ZNF578: variants seen among roughly 807,000 people sequenced by gnomAD.
The protein encoded by ZNF578 is Putative chemokine-related protein B42.
A neutral mutation model predicts 8.3 loss-of-function variants in ZNF578; 8 were observed. The ratio of observed to expected loss-of-function variants is 0.96; its 90% confidence interval spans 0.56 to 1.74. ZNF578 has a LOEUF of 1.74. Among genes scored for constraint, ZNF578 ranks in the 40% most tolerant of loss-of-function variants. The probability of loss-of-function intolerance (pLI) is 0.00; values close to 1 mark genes in which losing one functional copy is unlikely to be tolerated. For missense variants in ZNF578, 726 were observed against 707.5 expected (o/e 1.03, Z -0.30); for synonymous variants, 206 against 232.2 (o/e 0.89, Z 1.03).
At chr19:52,487,161 C>G (rs924642239) in intron 2 of ZNF578, among the ~76,000 whole-genome samples, 2 of 151,760 alleles carry the variant, frequency 1.3e-5, no homozygotes, top group African/African-American at 4.8e-5. Context: ...AGTGAGAACA[C>G]CATCTCTGCC....
rs145813659 is a variant in ZNF578, at chr19:52,489,456, C to T, written c.-121-1868C>T. On this transcript the variant is annotated intron_variant, in intron 2 of 5. Coordinates refer to ENST00000421239, the MANE Select transcript of ZNF578 (RefSeq NM_001099694.2). The stretch of plus-strand genomic sequence containing the variant: ...CTACAAAATTAGCTGGGTGTGGTGG[C>T]GCATGCCTGTAATCCCAGCTACTCT... 2.0e-3 allele frequency among the ~76,000 whole-genome samples: 303 copies of T among 151,724 alleles called. 1 individual carries two copies. Among genetic ancestry groups the T allele is most frequent in the African/African-American group, 6.4e-3 (264 of 41,434 alleles).
intron 2 of ZNF578, among the ~76,000 whole-genome samples, chr19:52,478,754 C>T (rs549788550): frequency 6.6e-6 from 1 of 151,970 alleles, no homozygotes; most frequent in East Asian, 1.9e-4. Flanking sequence ...TGCTCTGTCT[C>T]CCAGGCTGGA....
At position 52,468,116 on chromosome 19, in the gene ZNF578, G is replaced by T. The variant is rs141704830; in HGVS notation, c.-122+11158G>T. Among the ~76,000 whole-genome samples, 1,491 of 151,866 alleles carry T rather than the reference G, an allele frequency of 9.8e-3. 32 individuals are homozygous for T. The highest frequency in any genetic ancestry group is 0.034 in the African/African-American group (1,399 of 41,410). ...AATGTAGACTGCAACATATGGAAAA[G>T]GAAACTTTTTAAAATTGTGTACAAA... is the stretch of plus-strand genomic sequence containing the variant. On this transcript the variant is annotated intron_variant, in intron 2 of 5. Transcript: ENST00000421239.
Position 52,511,871 on chromosome 19 carries a change from C to A in ZNF578, c.1490C>A (p.Ser497Tyr). 2.5e-6 allele frequency: 4 copies of A among 1,613,322 alleles called. No individual in the cohort carries two copies. The highest frequency in any genetic ancestry group is 3.4e-6 in the Non-Finnish European group (4 of 1,179,824). Reference protein sequence around the residue: ...ECHKTFSHRSSLPCHRRLHSG... With the variant: ...ECHKTFSHRSYLPCHRRLHSG... Reference sequence around the variant, plus strand: ...CACAAGACCTTCAGTCACAGGTCATCTCTTCCATGCCATCGTAGACTTCAT... The same window carrying A: ...CACAAGACCTTCAGTCACAGGTCATATCTTCCATGCCATCGTAGACTTCAT... Residue 497 changes from serine to tyrosine, a missense_variant, in exon 6 of 6, where the codon TCT (serine) becomes TAT (tyrosine). Transcript: ENST00000421239.
intron 4 of ZNF578, 83 bp from the exon 5 acceptor site, chr19:52,504,572 C>A (rs1019155975): frequency 6.3e-7 from 1 of 1,596,948 alleles, no homozygotes; most frequent in Non-Finnish European, 8.5e-7. Flanking sequence ...CAAAGAAATA[C>A]TTATTTTCTC....
Position 52,516,182 on chromosome 19 carries a change from A to G in ZNF578, c.*4028A>G, listed in dbSNP as rs1431762509. ...TCTCCTCCTTCAGGTCTAGGCTCAG[A>G]GCTCTCTCCCATGCCCTCCCACCCC... On this transcript the variant is annotated 3_prime_UTR_variant, in exon 6 of 6. Transcript: ENST00000421239. 6.6e-6 allele frequency among the ~76,000 whole-genome samples: 1 copy of G among 152,124 alleles called. No individual in the cohort carries two copies. Among genetic ancestry groups the G allele is most frequent in the Non-Finnish European group, 1.5e-5 (1 of 68,040 alleles).
At chr19:52,502,257 T>C (rs559055140) in intron 4 of ZNF578, among the ~76,000 whole-genome samples, 1 of 152,286 alleles carries the variant, frequency 6.6e-6, no homozygotes, top group South Asian at 2.1e-4. Flanking sequence ...GGATGTCAGC[T>C]CTTTGTGGAC....
Position 52,511,448 on chromosome 19 carries a change from C to A in ZNF578, c.1067C>A (p.Ser356Ter). ...NECGKSFSYK[S>*]SLRCHRRLHT... Reference sequence around the variant, plus strand: ...TGTGGAAAGTCCTTCAGTTACAAGTCATCCCTTAGATGCCATCGTAGACTT... The same window carrying A: ...TGTGGAAAGTCCTTCAGTTACAAGTAATCCCTTAGATGCCATCGTAGACTT... The change falls in exon 6 of 6, where the codon TCA becomes TAA. Residue 356 changes from serine to a stop codon, truncating the protein, a stop_gained. Transcript: ENST00000421239. LOFTEE classifies it low-confidence loss of function (END_TRUNC). 6.2e-7 allele frequency: 1 copy of A among 1,614,218 alleles called. No homozygotes were observed.
At chr19:52,491,974 C>T (rs1335441951) in intron 3 of ZNF578, among the ~76,000 whole-genome samples, 2 of 151,540 alleles carry the variant, frequency 1.3e-5, no homozygotes, top group Admixed American at 1.3e-4. Flanking sequence ...TCCTGGCTAA[C>T]ACGGTGAAAC....
intron 5 of ZNF578, among the ~76,000 whole-genome samples, chr19:52,509,800 T>G (rs2059438086): frequency 1.3e-5 from 2 of 152,224 alleles, no homozygotes; most frequent in African/African-American, 2.4e-5. Flanking sequence ...AAAGTCACTA[T>G]GTGCCTGTTC....
intron 2 of ZNF578, among the ~76,000 whole-genome samples, chr19:52,482,182 C>T (rs558999504): frequency 6.6e-6 from 1 of 152,150 alleles, no homozygotes; most frequent in Admixed American, 6.5e-5. Context: ...TACAGGCATG[C>T]ACCACAACGC....
At chr19:52,477,606 T>C (rs1280756057) in intron 2 of ZNF578, among the ~76,000 whole-genome samples, 2 of 152,060 alleles carry the variant, frequency 1.3e-5, no homozygotes, top group African/African-American at 4.8e-5. Flanking sequence ...GGTTTTTTTT[T>C]TTTTTCCATT....
rs142959381 is a variant in ZNF578 at position 52,485,369 on chromosome 19, C to T, written c.-121-5955C>T. On this transcript the variant is annotated intron_variant, in intron 2 of 5. Coordinates refer to ENST00000421239, the MANE Select transcript of ZNF578 (RefSeq NM_001099694.2). ...CATTTTGCAAATAGAGCTTTTGTGC[C>T]GCTTTAGCAGGGATTCTTATTCTGA... 4.5e-4 allele frequency among the ~76,000 whole-genome samples: 69 copies of T among 152,264 alleles called. 1 individual carries two copies. Among genetic ancestry groups the T allele is most frequent in the Non-Finnish European group, 7.1e-4 (48 of 68,032 alleles).
chr19:52,453,808 A>G (rs1489136842), intron 1 of ZNF578: 1 of 88,110 alleles, frequency 1.1e-5, no homozygotes, highest in Admixed American at 1.4e-4. Context: ...CGGGCCACGT[A>G]GACGCTTTTC....
rs111252314 is a variant in ZNF578 at position 52,496,481 on chromosome 19, C to A, written c.-20+5056C>A. ...AGTAGCTGGGACTACATGCGCCCGC[C>A]ACCGCGCCCAGCTAATTTTTTGTAT... On this transcript the variant is annotated intron_variant, in intron 3 of 5. Coordinates refer to ENST00000421239, the MANE Select transcript of ZNF578 (RefSeq NM_001099694.2). Among the ~76,000 whole-genome samples, 77 of 146,790 alleles carry A rather than the reference C, an allele frequency of 5.2e-4. 1 individual carries two copies. Among genetic ancestry groups the A allele is most frequent in the African/African-American group, 1.9e-3 (76 of 39,588 alleles).
At chr19:52,489,347 T>C (rs1454547251) in intron 2 of ZNF578, among the ~76,000 whole-genome samples, 1 of 152,128 alleles carries the variant, frequency 6.6e-6, no homozygotes, top group Non-Finnish European at 1.5e-5. Context: ...GCCAGCACTT[T>C]GGAAGGCTGA....
At chr19:52,479,410 C>A (rs1390155361) in intron 2 of ZNF578, among the ~76,000 whole-genome samples, 1 of 151,722 alleles carries the variant, frequency 6.6e-6, no homozygotes, top group African/African-American at 2.4e-5. Flanking sequence ...TGGCGGGCGC[C>A]CGAAGTCCCA....
intron 2 of ZNF578, among the ~76,000 whole-genome samples, chr19:52,488,099 G>A (rs1474191286): frequency 1.3e-5 from 2 of 151,846 alleles, no homozygotes; most frequent in African/African-American, 4.8e-5. Flanking sequence ...TTACAGGCTT[G>A]CACCACCCCA....
chr19:52,473,956 A>G, intron 2 of ZNF578: 2 of 366,426 alleles, frequency 5.5e-6, no homozygotes, highest in Admixed American at 7.7e-5. Context: ...AATTGTGACT[A>G]AAGATCTTAC....
Sources: gnomAD v4.1 joint callset for allele counts (sites outside exome capture counted in the v4.1 genomes callset) on GRCh38, gnomAD v4.1.1 for gene constraint, MANE v1.5 for transcripts, NCBI Gene and HGNC (gene_info 2026-07-23, HGNC 2026-07-21) for gene names.